DDX24: variants seen among roughly 807,000 people sequenced by gnomAD.
DDX24 encodes the protein DEAD-box helicase 24.
In DDX24, 24 loss-of-function variants were observed where a neutral mutation model predicts 68.9. That is an observed-to-expected ratio of 0.35 (90% CI 0.25 to 0.49). DDX24 has a LOEUF of 0.49. DDX24 is among the 20% of genes least tolerant of loss of function. The pLI is 0.99. For missense variants in DDX24, 989 were observed against 1,039.0 expected (o/e 0.95, Z 0.66); for synonymous variants, 395 against 385.2 (o/e 1.03, Z -0.30).
intron 2 of DDX24, among the ~76,000 whole-genome samples, chr14:94,064,337 A>G (rs951184792): frequency 9.2e-5 from 14 of 152,342 alleles, no homozygotes; most frequent in Admixed American, 3.9e-4. Flanking sequence ...TGTTGCTGAT[A>G]TAAAACCTTG....
Position 94,079,208 on chromosome 14 carries a change from T to C in DDX24, c.535A>G (p.Thr179Ala), listed in dbSNP as rs1218383659. 8.1e-6 allele frequency: 13 copies of C among 1,614,216 alleles called. No homozygotes were observed. Among genetic ancestry groups the C allele is most frequent in the Non-Finnish European group, 1.1e-5 (13 of 1,180,036 alleles). Reference sequence around the variant, plus strand: ...TGATCATGAACTTCAGGAATCCATGTCTTCGCTTTTTTGGGCACCTTGGCA... The same window carrying C: ...TGATCATGAACTTCAGGAATCCATGCCTTCGCTTTTTTGGGCACCTTGGCA... ...TAAKVPKKAK[T>A]WIPEVHDQKA... is the part of the protein sequence containing the mutation. The change falls in exon 2 of 9, where the codon ACA becomes GCA. Residue 179 changes from threonine to alanine, a missense_variant. Thr to Ala is a moderately conservative substitution (Grantham distance 58, BLOSUM62 0). Transcript: ENST00000621632.
chr14:94,078,558 C>G (rs1185014257), intron 2 of DDX24, among the ~76,000 whole-genome samples: 1 of 152,210 alleles, frequency 6.6e-6, no homozygotes, highest in Non-Finnish European at 1.5e-5. Context: ...AAGCAGCAAC[C>G]CTTTTCACCT....
chr14:94,063,144 C>T (rs1885631180), intron 2 of DDX24, among the ~76,000 whole-genome samples: 2 of 152,122 alleles, frequency 1.3e-5, no homozygotes, highest in South Asian at 4.1e-4. Context: ...AAAGAAGTTC[C>T]AAAGTGATAA....
chr14:94,063,707 T>A (rs1478494953), intron 2 of DDX24, among the ~76,000 whole-genome samples: 1 of 152,102 alleles, frequency 6.6e-6, no homozygotes, highest in African/African-American at 2.4e-5. Flanking sequence ...GGCGGGAGGA[T>A]CAAGACCAGC....
intron 6 of DDX24, chr14:94,057,170 A>G (rs1885506120): frequency 6.6e-6 from 1 of 152,218 alleles, no homozygotes; most frequent in Non-Finnish European, 1.5e-5. Flanking sequence ...CTAACCAACT[A>G]TGAAGCAGCA....
In DDX24 at chr14:94,079,541, G is replaced by C; in HGVS notation, c.202C>G (p.Leu68Val). 6.2e-7 allele frequency: 1 copy of C among 1,614,134 alleles called. No homozygotes were observed. Among genetic ancestry groups the C allele is most frequent in the Non-Finnish European group, 8.5e-7 (1 of 1,180,034 alleles). ...LVSPAKNPSS[L>V]FSKEAPKRKA... is the part of the protein sequence containing the mutation. ...CTCTTGGGTGCTTCCTTTGAGAAGA[G>C]ACTGGAGGGATTCTTGGCAGGGGAG... The change falls in exon 2 of 9, where the codon CTC (leucine) becomes GTC (valine). Residue 68 changes from leucine to valine, a missense_variant. By Grantham distance (32) the Leu-to-Val change is conservative. Transcript: ENST00000621632.
At chr14:94,067,041 AG>A (rs1885720163) in intron 2 of DDX24, among the ~76,000 whole-genome samples, 1 of 152,234 alleles carries the variant, frequency 6.6e-6, no homozygotes, top group Admixed American at 6.5e-5. Flanking sequence ...TAAGCTAATC[AG>A]GGAGGGACCA....
chr14:94,063,035 C>T (rs1340443232), intron 2 of DDX24, among the ~76,000 whole-genome samples: 1 of 152,126 alleles, frequency 6.6e-6, no homozygotes, highest in South Asian at 2.1e-4. Flanking sequence ...AAATATAAAA[C>T]TTTTGTCTAT....
At chr14:94,060,732 C>G (rs1885579553) in intron 4 of DDX24, 119 bp from the exon 5 acceptor site, 7 of 1,467,404 alleles carry the variant, frequency 4.8e-6, no homozygotes, top group East Asian at 4.6e-5. Context: ...CCCACTACCA[C>G]CACCACCATC....
intron 7 of DDX24, among the ~76,000 whole-genome samples, chr14:94,054,441 A>G (rs891574463): frequency 6.6e-6 from 1 of 152,136 alleles, no homozygotes; most frequent in Non-Finnish European, 1.5e-5. Context: ...TCTCCTCCCA[A>G]TGTAACCATA....
chr14:94,052,693 A>G (rs1281271387), intron 8 of DDX24, among the ~76,000 whole-genome samples: 1 of 152,238 alleles, frequency 6.6e-6, no homozygotes, highest in Non-Finnish European at 1.5e-5. Flanking sequence ...ACTCAGTCAC[A>G]TAGTTAAGGC....
chr14:94,075,216 A>G (rs574255370), intron 2 of DDX24, among the ~76,000 whole-genome samples: 1 of 152,334 alleles, frequency 6.6e-6, no homozygotes, highest in Middle Eastern at 3.4e-3. Flanking sequence ...TTTAAAAAGA[A>G]CAAAGTTAGA....
Position 94,054,988 on chromosome 14 carries a change from C to T in DDX24, c.2178+8G>A. On this transcript the variant is annotated splice_region_variant and intron_variant, in intron 7 of 8. Coordinates refer to ENST00000621632, the MANE Select transcript of DDX24 (RefSeq NM_020414.4). ...TTCATTAGCACTGGGGTTTTAACTG[C>T]TTTCTACCTTGACCACATCCATGTA... 1.2e-6 allele frequency: 2 copies of T among 1,613,312 alleles called. No homozygotes were observed. Among genetic ancestry groups the T allele is most frequent in the Non-Finnish European group, 8.5e-7 (1 of 1,179,462 alleles).
chr14:94,071,127 A>C (rs1229889091), intron 2 of DDX24, among the ~76,000 whole-genome samples: 1 of 152,212 alleles, frequency 6.6e-6, no homozygotes, highest in Non-Finnish European at 1.5e-5. Context: ...CAAAGGACTA[A>C]TATCCAGAAT....
chr14:94,068,919 CACAA>C (rs1310497817), intron 2 of DDX24, among the ~76,000 whole-genome samples: 6 of 151,570 alleles, frequency 4.0e-5, no homozygotes, highest in South Asian at 2.1e-4. Flanking sequence ...TCTGAAAGAG[CACAA>C]ACAGACAATC....
chr14:94,073,082 TTTTC>T (rs1885865962), intron 2 of DDX24, among the ~76,000 whole-genome samples: 2 of 129,572 alleles, frequency 1.5e-5, no homozygotes, highest in South Asian at 2.3e-4. Context: ...ATTAATTTTC[TTTTC>T]TTTTTTTTTT....
At position 94,079,150 on chromosome 14, in the gene DDX24, A is replaced by G. The variant is rs1297391510; in HGVS notation, c.593T>C (p.Phe198Ser). Residue 198 changes from phenylalanine to serine, a missense_variant, in exon 2 of 9, where the codon TTT becomes TCT. Physicochemically the swap from Phe to Ser is radical, Grantham distance 155. Coordinates refer to ENST00000621632, the MANE Select transcript of DDX24 (RefSeq NM_020414.4). ...KADVSAWKDL[F>S]VPRPVLRALS... ...TGCTCGGAGAACCGGCCTGGGAACA[A>G]ACAGGTCCTTCCAAGCTGACACATC... is the stretch of plus-strand genomic sequence containing the variant. 1.7e-5 allele frequency: 28 copies of G among 1,614,236 alleles called. No individual in the cohort carries two copies. Among genetic ancestry groups the G allele is most frequent in the Non-Finnish European group, 2.4e-5 (28 of 1,180,032 alleles).
At chr14:94,076,887 T>A (rs185982242) in intron 2 of DDX24, among the ~76,000 whole-genome samples, 20 of 152,120 alleles carry the variant, frequency 1.3e-4, no homozygotes, top group Admixed American at 2.0e-4. Flanking sequence ...TACACAGAAT[T>A]TCTTCCACCT....
rs960439868 is a variant in DDX24, at chr14:94,050,034, T to C, written c.*1157A>G. 1 of 152,220 alleles carries C rather than the reference T, an allele frequency of 6.6e-6. No individual in the cohort carries two copies. The highest frequency in any genetic ancestry group is 1.5e-5 in the Non-Finnish European group (1 of 68,040). 9.4% of individuals were successfully genotyped at this position (152,220 alleles called of 1,614,324 possible). A position where few individuals can be genotyped will look rare whatever the true frequency, so the allele number is the denominator to read the frequency against. ...CCTTTGTGTATCCTCTTCAATTCCCTAGCACCCCTTGAACTAAACAGCTGT... is the reference window on the plus strand; with the variant it reads ...CCTTTGTGTATCCTCTTCAATTCCCCAGCACCCCTTGAACTAAACAGCTGT... On this transcript the variant is annotated 3_prime_UTR_variant, in exon 9 of 9. Coordinates refer to ENST00000621632, the MANE Select transcript of DDX24 (RefSeq NM_020414.4).
Sources: gnomAD v4.1 joint callset for allele counts (sites outside exome capture counted in the v4.1 genomes callset) on GRCh38, gnomAD v4.1.1 for gene constraint, MANE v1.5 for transcripts, NCBI Gene and HGNC (gene_info 2026-07-23, HGNC 2026-07-21) for gene names.